Variants in TSPAN5 observed in about 807,000 individuals in gnomAD.
The protein encoded by TSPAN5 is tetraspanin-5.
In TSPAN5, 10 loss-of-function variants were observed where a neutral mutation model predicts 37.1. The observed-to-expected ratio is 0.27, with a 90% CI of 0.17 to 0.46. The LOEUF (loss-of-function observed/expected upper bound fraction) is 0.46, where lower values mean the gene tolerates loss of function less well. Among genes scored for constraint, TSPAN5 ranks in the 20% least tolerant of loss-of-function variants. The pLI is 1.00. For missense variants in TSPAN5, 195 were observed against 326.6 expected (o/e 0.60, Z 3.11); for synonymous variants, 110 against 118.9 (o/e 0.93, Z 0.48).
chr4:98,640,170 A>G (rs140645720), intron 1 of TSPAN5, among the ~76,000 whole-genome samples: 21 of 152,330 alleles, frequency 1.4e-4, no homozygotes, highest in African/African-American at 3.1e-4. Context: ...ATTCAATTAG[A>G]GAATCTGTAA....
intron 1 of TSPAN5, among the ~76,000 whole-genome samples, chr4:98,555,977 GCACACACACGTGCGTGCGCA>G (rs1375587770): frequency 1.5e-5 from 2 of 134,940 alleles, no homozygotes; most frequent in Non-Finnish European, 3.1e-5. Flanking sequence ...ACACGCGCGC[GCACACACACGTGCGTGCGCA>G]CACACACACG....
intron 1 of TSPAN5, among the ~76,000 whole-genome samples, chr4:98,559,921 C>G (rs1304624811): frequency 6.6e-6 from 1 of 152,186 alleles, no homozygotes; most frequent in African/African-American, 2.4e-5. Context: ...GTGTTTCCCC[C>G]TCCAGAGATG....
chr4:98,521,697 A>C (rs192621517), intron 1 of TSPAN5, among the ~76,000 whole-genome samples: 136 of 152,366 alleles, frequency 8.9e-4, no homozygotes, highest in Non-Finnish European at 1.6e-3. Flanking sequence ...GGCTTGCTTC[A>C]GCTTGCCCTG....
intron 1 of TSPAN5, among the ~76,000 whole-genome samples, chr4:98,649,143 C>A (rs766317253): frequency 1.3e-5 from 2 of 152,176 alleles, no homozygotes; most frequent in African/African-American, 2.4e-5. Context: ...AATACTGGTT[C>A]TTTTCTTTCT....
At chr4:98,510,735 T>C (rs1292700131) in intron 1 of TSPAN5, among the ~76,000 whole-genome samples, 1 of 152,052 alleles carries the variant, frequency 6.6e-6, no homozygotes, top group Non-Finnish European at 1.5e-5. Context: ...CAAACAAGGG[T>C]TTAAGAACTG....
intron 3 of TSPAN5, 125 bp from the exon 4 acceptor site, chr4:98,482,300 A>T: frequency 2.5e-6 from 2 of 787,848 alleles, no homozygotes; most frequent in Non-Finnish European, 3.9e-6. Flanking sequence ...CAAAGCAGAT[A>T]ATCTTCAGTT....
At chr4:98,535,357 G>C (rs891208983) in intron 1 of TSPAN5, among the ~76,000 whole-genome samples, 2 of 152,054 alleles carry the variant, frequency 1.3e-5, no homozygotes. Flanking sequence ...TTGAGTATTG[G>C]CCCCCACTCT....
intron 2 of TSPAN5, among the ~76,000 whole-genome samples, chr4:98,488,879 C>T (rs1043128314): frequency 6.6e-6 from 1 of 151,958 alleles, no homozygotes; most frequent in Non-Finnish European, 1.5e-5. Flanking sequence ...ATAGCGAGAC[C>T]CTTTCTCTAC....
chr4:98,621,025 C>T (rs1756468447), intron 1 of TSPAN5, among the ~76,000 whole-genome samples: 1 of 152,088 alleles, frequency 6.6e-6, no homozygotes, highest in Non-Finnish European at 1.5e-5. Context: ...ATTAAGAGGT[C>T]GTTCAGGGTA....
chr4:98,527,037 T>G (rs1416021572), intron 1 of TSPAN5, among the ~76,000 whole-genome samples: 1 of 152,248 alleles, frequency 6.6e-6, no homozygotes, highest in Non-Finnish European at 1.5e-5. Context: ...TACTGTTTTT[T>G]GCCTTTTTAA....
intron 1 of TSPAN5, among the ~76,000 whole-genome samples, chr4:98,632,893 G>A (rs1756779015): frequency 6.6e-6 from 1 of 152,172 alleles, no homozygotes; most frequent in Non-Finnish European, 1.5e-5. Context: ...TGCACCAAAA[G>A]CAGCAGAAGC....
At chr4:98,625,699 C>T (rs1369118949) in intron 1 of TSPAN5, among the ~76,000 whole-genome samples, 1 of 152,170 alleles carries the variant, frequency 6.6e-6, no homozygotes, top group African/African-American at 2.4e-5. Context: ...AACCAATTTC[C>T]TCTTGAATAC....
intron 1 of TSPAN5, among the ~76,000 whole-genome samples, chr4:98,632,321 C>T (rs925469763): frequency 2.0e-5 from 3 of 152,124 alleles, no homozygotes; most frequent in African/African-American, 4.8e-5. Flanking sequence ...CAGCCAGAAT[C>T]AAAATTCAGC....
chr4:98,505,395 C>T (rs1260966366), intron 2 of TSPAN5, among the ~76,000 whole-genome samples: 2 of 152,304 alleles, frequency 1.3e-5, no homozygotes, highest in Non-Finnish European at 2.9e-5. Flanking sequence ...TACTGGCCTT[C>T]TTGTTGTTCC....
chr4:98,510,123 G>A lies in TSPAN5; in HGVS notation c.82-2395C>T, dbSNP rs1753572921. Among the ~76,000 whole-genome samples, 3 of 152,120 alleles carry A rather than the reference G, an allele frequency of 2.0e-5. 1 individual carries two copies. In the South Asian group the frequency reaches 6.2e-4, roughly 32 times the overall value. Reference sequence around the variant, plus strand: ...GCTTTGTGTGCAATGTCTCTTTAAAGCTTCACAACAATTTTACTCTGAAAT... The same window carrying A: ...GCTTTGTGTGCAATGTCTCTTTAAAACTTCACAACAATTTTACTCTGAAAT... On this transcript the variant is annotated intron_variant, in intron 1 of 7. Transcript: ENST00000305798.
In TSPAN5 at chr4:98,507,717, T is replaced by C; in HGVS notation, c.93A>G (p.Ile31Met). The part of the protein sequence containing the change: ...GFNVIFWFLG[I>M]TFLGIGLWAW... ...CCCACAGTCCAATTCCAAGAAATGT[T>C]ATTCCCAAAAACTGAAAAAGAAAGA... is the stretch of plus-strand genomic sequence containing the variant. The change falls in exon 2 of 8, where the codon ATA (isoleucine) becomes ATG (methionine). Residue 31 changes from isoleucine to methionine, a missense_variant. Coordinates refer to ENST00000305798, the MANE Select transcript of TSPAN5 (RefSeq NM_005723.4). The C allele has an allele frequency of 6.2e-7, 1 of 1,611,040 alleles. No homozygotes were observed. Among genetic ancestry groups the C allele is most frequent in the South Asian group, 1.1e-5 (1 of 90,332 alleles).
At chr4:98,546,046 T>C (rs562965967) in intron 1 of TSPAN5, among the ~76,000 whole-genome samples, 2 of 152,126 alleles carry the variant, frequency 1.3e-5, no homozygotes, top group African/African-American at 4.8e-5. Context: ...TTAGGATATA[T>C]TAATAATGTA....
rs1752613493 is a variant in TSPAN5 at position 98,472,578 on chromosome 4, T to C, written c.751A>G (p.Ile251Val). The C allele has an allele frequency of 6.2e-7, 1 of 1,613,702 alleles. No homozygotes were observed. Among genetic ancestry groups the C allele is most frequent in the Non-Finnish European group, 8.5e-7 (1 of 1,179,886 alleles). Residue 251 changes from isoleucine (I) to valine (V), a missense_variant, in exon 8 of 8, where the codon ATA becomes GTA. Ile to Val is a conservative substitution (Grantham distance 29, BLOSUM62 3). Transcript: ENST00000305798. ...IGIALLQIFGICLAQNLVSDI... is the reference protein window; with the variant it reads ...IGIALLQIFGVCLAQNLVSDI... ...CTAACCAAATTCTGGGCCAGGCATA[T>C]CCCAAATATCTGAGAAAGGAAGAAA...
chr4:98,637,196 C>T (rs1756874375), intron 1 of TSPAN5, among the ~76,000 whole-genome samples: 2 of 152,182 alleles, frequency 1.3e-5, no homozygotes, highest in Admixed American at 6.5e-5. Flanking sequence ...TGAAGGACTG[C>T]CGTTGCTCCT....
Sources: gnomAD v4.1 joint callset for allele counts (sites outside exome capture counted in the v4.1 genomes callset) on GRCh38, gnomAD v4.1.1 for gene constraint, MANE v1.5 for transcripts, NCBI Gene and HGNC (gene_info 2026-07-23, HGNC 2026-07-21) for gene names.